NT5DC1: variants seen among roughly 807,000 people sequenced by gnomAD.
The protein encoded by NT5DC1 is 5'-nucleotidase domain containing 1.
NT5DC1 carries 42 observed loss-of-function variants against 59.4 expected under a neutral mutation model. The ratio of observed to expected loss-of-function variants is 0.71; its 90% CI spans 0.55 to 0.92. NT5DC1 has a LOEUF of 0.92. Among genes scored for constraint, NT5DC1 ranks in the 40% least tolerant of loss-of-function variants. The pLI is 0.00. For missense variants in NT5DC1, 501 were observed against 537.1 expected (o/e 0.93, Z 0.66); for synonymous variants, 172 against 188.1 (o/e 0.91, Z 0.70).
At chr6:116,149,487 G>A (rs1779981446) in intron 6 of NT5DC1, among the ~76,000 whole-genome samples, 1 of 152,148 alleles carries the variant, frequency 6.6e-6, no homozygotes, top group South Asian at 2.1e-4. Context: ...GGCTACTTTA[G>A]TAGGATAAGT....
rs761558743 is a variant in NT5DC1, at chr6:116,221,149, A to G, written c.625A>G (p.Lys209Glu). 1.3e-5 allele frequency: 20 copies of G among 1,589,634 alleles called. No individual in the cohort carries two copies. The highest frequency in any genetic ancestry group is 1.6e-5 in the Non-Finnish European group (19 of 1,158,368). ...TGTGAAAAAATGGCTTCGACAGCTA[A>G]AGAATGCTGGGAAAATTCTTCTGTT... ...ESVKKWLRQL[K>E]NAGKILLLIT... The change falls in exon 7 of 12, where the codon AAG becomes GAG. Residue 209 changes from lysine (K) to glutamate (E), a missense_variant. Coordinates refer to ENST00000319550, the MANE Select transcript of NT5DC1 (RefSeq NM_152729.3).
chr6:116,221,860 TAGAGAATTAGAC>T (rs1172169603), intron 7 of NT5DC1, among the ~76,000 whole-genome samples: 1 of 152,158 alleles, frequency 6.6e-6, no homozygotes, highest in East Asian at 1.9e-4. Context: ...ATAATACAGG[TAGAGAATTAGAC>T]AGGAATAGTT....
chr6:116,127,200 T>C, intron 6 of NT5DC1, among the ~76,000 whole-genome samples: 1 of 152,172 alleles, frequency 6.6e-6, no homozygotes, highest in Non-Finnish European at 1.5e-5. Flanking sequence ...TAATCAATAA[T>C]TGAAATAATT....
intron 4 of NT5DC1, among the ~76,000 whole-genome samples, chr6:116,114,897 C>A (rs1359639432): frequency 6.6e-6 from 1 of 152,132 alleles, no homozygotes; most frequent in Non-Finnish European, 1.5e-5. Context: ...CACATGGGCT[C>A]CAGAGCCTTT....
intron 11 of NT5DC1, among the ~76,000 whole-genome samples, chr6:116,239,573 C>T (rs1258288755): frequency 1.3e-5 from 2 of 152,226 alleles, no homozygotes; most frequent in South Asian, 2.1e-4. Flanking sequence ...TATGTTGAGG[C>T]CTTGAAGGGC....
At chr6:116,240,101 AAGATAC>A (rs1322152198) in intron 11 of NT5DC1, among the ~76,000 whole-genome samples, 1 of 152,190 alleles carries the variant, frequency 6.6e-6, no homozygotes, top group Non-Finnish European at 1.5e-5. Flanking sequence ...AAAATCATAA[AAGATAC>A]AGAAGAGAGG....
chr6:116,221,286 C>T, intron 7 of NT5DC1, 58 bp downstream of exon 7: 1 of 989,882 alleles, frequency 1.0e-6, no homozygotes. Flanking sequence ...GCAAATTAGA[C>T]CAGGGCTTTT....
chr6:116,191,333 T>TAAAC (rs1287233451), intron 6 of NT5DC1, among the ~76,000 whole-genome samples: 1 of 151,920 alleles, frequency 6.6e-6, no homozygotes, highest in Non-Finnish European at 1.5e-5. Context: ...TTAACCATAG[T>TAAAC]AAACAAACAA....
intron 6 of NT5DC1, chr6:116,120,711 G>A: frequency 6.4e-7 from 1 of 1,562,002 alleles, no homozygotes; most frequent in Non-Finnish European, 8.6e-7. Flanking sequence ...GGACTTCCTG[G>A]ATCCCCTTTA....
chr6:116,100,913 G>A lies in NT5DC1; in HGVS notation c.-18G>A. Reference sequence around the variant, plus strand: ...ACCCTTCGCGGCCGAGGCGCTCCCTGGTGCTCCCCGCGCAGCCATGGCTCA... The same window carrying A: ...ACCCTTCGCGGCCGAGGCGCTCCCTAGTGCTCCCCGCGCAGCCATGGCTCA... On this transcript the variant is annotated 5_prime_UTR_variant, in exon 1 of 12. Transcript: ENST00000319550. 1 of 1,588,106 alleles carries A rather than the reference G, an allele frequency of 6.3e-7. No individual in the cohort carries two copies. The highest frequency in any genetic ancestry group is 8.6e-7 in the Non-Finnish European group (1 of 1,168,684).
chr6:116,163,568 C>A (rs1780395802), intron 6 of NT5DC1, among the ~76,000 whole-genome samples: 1 of 151,846 alleles, frequency 6.6e-6, no homozygotes, highest in Non-Finnish European at 1.5e-5. Context: ...CTTAAACAAC[C>A]AACTTTTGGC....
chr6:116,101,463 T>A (rs528005086), intron 1 of NT5DC1, among the ~76,000 whole-genome samples: 1 of 152,164 alleles, frequency 6.6e-6, no homozygotes, highest in Non-Finnish European at 1.5e-5. Flanking sequence ...TTGGCTGCAT[T>A]TTTCTGTTTG....
At chr6:116,138,833 A>T (rs530650751) in intron 6 of NT5DC1, among the ~76,000 whole-genome samples, 1 of 152,120 alleles carries the variant, frequency 6.6e-6, no homozygotes, top group East Asian at 1.9e-4. Flanking sequence ...TACAACTATG[A>T]TATTGAGAGA....
chr6:116,220,038 C>G (rs563177921), intron 6 of NT5DC1, among the ~76,000 whole-genome samples: 2 of 141,356 alleles, frequency 1.4e-5, no homozygotes, highest in African/African-American at 2.6e-5. Flanking sequence ...CCAAGTATTT[C>G]AAGTGTTTCA....
chr6:116,197,450 G>A (rs9488870), intron 6 of NT5DC1, among the ~76,000 whole-genome samples: 15,287 of 151,838 alleles, frequency 0.1, 1,265 homozygotes, highest in African/African-American at 0.23. Flanking sequence ...GAATCTTCCC[G>A]GTCAAGAATC....
rs144034547 is a variant in NT5DC1, at chr6:116,203,610, T to C, written c.530-17444T>C. Among the ~76,000 whole-genome samples, 15 of 152,092 alleles carry C rather than the reference T, an allele frequency of 9.9e-5. No individual in the cohort carries two copies. The East Asian group carries it at 2.7e-3, about 28-fold the overall frequency. On this transcript the variant is annotated intron_variant, in intron 6 of 11. Transcript: ENST00000319550. ...ATTAATATAACTACACCACATTTTA[T>C]TTATTCATCCTACCCTTGGTAGACG...
chr6:116,123,101 A>G (rs1261200117), intron 6 of NT5DC1, among the ~76,000 whole-genome samples: 2 of 152,216 alleles, frequency 1.3e-5, no homozygotes, highest in African/African-American at 4.8e-5. Flanking sequence ...AATGCCAACT[A>G]TGTTAGATTG....
rs935732873 is a variant in NT5DC1 at position 116,248,569 on chromosome 6, G to A, written c.*4545G>A. The A allele has an allele frequency of 1.3e-5, 2 of 152,264 alleles. No individual in the cohort carries two copies. Among genetic ancestry groups the A allele is most frequent in the Non-Finnish European group, 2.9e-5 (2 of 68,068 alleles). 9.4% of individuals were successfully genotyped at this position (152,264 alleles called of 1,614,324 possible). On this transcript the variant is annotated 3_prime_UTR_variant, in exon 12 of 12. Coordinates refer to ENST00000319550, the MANE Select transcript of NT5DC1 (RefSeq NM_152729.3). ...AGGGCCTGATGAGAAGGTCAGAGAA[G>A]CCTTTTATAAGTGTCTGGCTTGCAC...
chr6:116,170,383 G>A (rs983921791), intron 6 of NT5DC1, among the ~76,000 whole-genome samples: 1 of 152,114 alleles, frequency 6.6e-6, no homozygotes, highest in Non-Finnish European at 1.5e-5. Flanking sequence ...ATTCTGCCAC[G>A]TAGTTGGTGT....
Sources: gnomAD v4.1 joint callset for allele counts (sites outside exome capture counted in the v4.1 genomes callset) on GRCh38, gnomAD v4.1.1 for gene constraint, MANE v1.5 for transcripts, NCBI Gene and HGNC (gene_info 2026-07-23, HGNC 2026-07-21) for gene names.